CYP4F11: variants seen among roughly 807,000 people sequenced by gnomAD.
The protein encoded by CYP4F11 is cytochrome P450 family 4 subfamily F member 11.
CYP4F11 carries 79 observed loss-of-function variants against 62.2 expected under a neutral mutation model. That is an observed-to-expected ratio of 1.27 (90% CI 1.06 to 1.53). CYP4F11 has a LOEUF of 1.53. Ranked by LOEUF, CYP4F11 falls within the 40% of genes most tolerant of loss-of-function variation. The pLI is 0.00. For synonymous variants in CYP4F11, 290 were observed against 263.7 expected (o/e 1.10, Z -0.97); for missense variants, 777 against 680.5 (o/e 1.14, Z -1.58).
At chr19:15,927,066 T>C in intron 4 of CYP4F11, 146 bp downstream of exon 4, 2 of 933,956 alleles carry the variant, frequency 2.1e-6, no homozygotes, top group South Asian at 3.5e-5. Context: ...AAGTAGAGAT[T>C]GTTATTCCCA....
At chr19:15,922,739 G>T (rs1030816094) in intron 6 of CYP4F11, among the ~76,000 whole-genome samples, 1 of 152,208 alleles carries the variant, frequency 6.6e-6, no homozygotes, top group Non-Finnish European at 1.5e-5. Flanking sequence ...TATTTCAATG[G>T]CAATTTCACT....
rs1243756501 is a variant in CYP4F11 at position 15,913,884 on chromosome 19, T to C, written c.1423A>G (p.Met475Val). The C allele has an allele frequency of 6.2e-7, 1 of 1,613,824 alleles. No homozygotes were observed. Among genetic ancestry groups the C allele is most frequent in the Non-Finnish European group, 8.5e-7 (1 of 1,179,906 alleles). The change falls in exon 12 of 12, where the codon ATG becomes GTG. Residue 475 changes from methionine to valine, a missense_variant. By Grantham distance (21) the Met-to-Val change is conservative. Transcript: ENST00000402119. ...PRNCIGQAFA[M>V]AEMKVVLALT... ...GCCAGGACCACCTTCATCTCAGCCA[T>C]GGCGAACGCCTGCCCGATGCAGTTT...
At chr19:15,927,522 G>T (rs1486889208) in intron 2 of CYP4F11, 39 bp from the exon 3 acceptor site, 3 of 1,612,094 alleles carry the variant, frequency 1.9e-6, no homozygotes, top group Non-Finnish European at 2.5e-6. Flanking sequence ...ATGGAGAGGG[G>T]TGAGAGAAGG....
At chr19:15,914,567 G>T (rs1382646427) in intron 10 of CYP4F11, 35 bp downstream of exon 10, 3 of 1,611,554 alleles carry the variant, frequency 1.9e-6, no homozygotes, top group South Asian at 2.2e-5. Flanking sequence ...ACCTTGGAAT[G>T]GACTCCAAAA....
intron 4 of CYP4F11, among the ~76,000 whole-genome samples, chr19:15,926,849 C>CTCTTCTGGTTATTGA (rs774598340): frequency 1.3e-5 from 2 of 152,026 alleles, no homozygotes; most frequent in Non-Finnish European, 2.9e-5. Flanking sequence ...GAAGAACCAG[C>CTCTTCTGGTTATTGA]CAACTGTCTC....
At position 15,914,803 on chromosome 19, in the gene CYP4F11, G is replaced by A. The variant is rs774851894; in HGVS notation, c.1208C>T (p.Thr403Met). ...GCCGTCTGGGAGCACAAAGTCCTGC[G>A]TGCAACATCGGGAGATGACCGGGAC... ...PPVPVISRCC[T>M]QDFVLPDGRV... Residue 403 changes from threonine to methionine, a missense_variant, in exon 9 of 12, where the codon ACG becomes ATG. Physicochemically the swap from Thr to Met is moderately conservative, Grantham distance 81. Transcript: ENST00000402119. The A allele has an allele frequency of 1.3e-5, 21 of 1,614,034 alleles. No homozygotes were observed. The highest frequency in any genetic ancestry group is 3.3e-5 in the Admixed American group (2 of 59,998).
intron 8 of CYP4F11, among the ~76,000 whole-genome samples, chr19:15,916,595 C>A (rs1599370667): frequency 6.6e-6 from 1 of 151,980 alleles, no homozygotes; most frequent in African/African-American, 2.4e-5. Context: ...AATCAAATAA[C>A]CCCATCAAAA....
In CYP4F11 at chr19:15,913,520, C is replaced by A; in HGVS notation, c.*212G>T. 4 of 603,786 alleles carry A rather than the reference C, an allele frequency of 6.6e-6. No individual in the cohort carries two copies. The highest frequency in any genetic ancestry group is 5.9e-5 in the South Asian group (3 of 50,932). 37.4% of individuals were successfully genotyped at this position (603,786 alleles called of 1,614,324 possible). ...GTTTTTACTTGGGCTCTGGGAGAAC[C>A]CACTAAGGGCCTAGATGCCCTGTGC... On this transcript the variant is annotated 3_prime_UTR_variant, in exon 12 of 12. Coordinates refer to ENST00000402119, the MANE Select transcript of CYP4F11 (RefSeq NM_021187.4).
Position 15,924,782 on chromosome 19 carries a change from C to CT in CYP4F11, c.625dup (p.Ser209LysfsTer3). ...TCACTCCTGACAATTGCTTTCAAAG[C>CT]TGAAGACACATTTCTGCAGACTGTC... is the stretch of plus-strand genomic sequence containing the variant. On this transcript the variant is annotated frameshift_variant, in exon 5 of 12. Coordinates refer to ENST00000402119, the MANE Select transcript of CYP4F11 (RefSeq NM_021187.4). LOFTEE classifies it high-confidence loss of function. 1 of 1,612,422 alleles carries CT rather than the reference C, an allele frequency of 6.2e-7. No individual in the cohort carries two copies. Among genetic ancestry groups the CT allele is most frequent in the Middle Eastern group, 1.7e-4 (1 of 6,052 alleles).
At chr19:15,914,466 G>A (rs369257337) in intron 10 of CYP4F11, 79 bp from the exon 11 acceptor site, 31 of 1,555,140 alleles carry the variant, frequency 2.0e-5, no homozygotes, top group African/African-American at 4.1e-5. Context: ...CAAGACCCCC[G>A]GCCTTGGAGA....
intron 6 of CYP4F11, 25 bp from the exon 7 acceptor site, chr19:15,922,455 C>A: frequency 6.2e-7 from 1 of 1,611,904 alleles, no homozygotes; most frequent in Non-Finnish European, 8.5e-7. Flanking sequence ...AGACAATATC[C>A]CTGCCCCAAA....
In CYP4F11 at chr19:15,914,505, G is replaced by A. The variant is rs2089566352; in HGVS notation, c.1314+97C>T. ...ATTTTGGCAGATGTGTCTCCATTGA[G>A]GAGAGGTGATGTTGGATTTTCCTGG... On this transcript the variant is annotated intron_variant, in intron 10 of 11. Coordinates refer to ENST00000402119, the MANE Select transcript of CYP4F11 (RefSeq NM_021187.4). The A allele has an allele frequency of 2.6e-6, 4 of 1,551,850 alleles. No individual in the cohort carries two copies. In the South Asian group the frequency reaches 4.5e-5, roughly 18 times the overall value.
intron 8 of CYP4F11, among the ~76,000 whole-genome samples, chr19:15,916,897 T>A (rs951240963): frequency 2.6e-5 from 4 of 152,182 alleles, no homozygotes; most frequent in Admixed American, 2.6e-4. Flanking sequence ...AGATCTACTA[T>A]TCCATCCAAC....
intron 6 of CYP4F11, among the ~76,000 whole-genome samples, 163 bp downstream of exon 6, chr19:15,923,648 CA>C (rs1259588520): frequency 1.3e-5 from 2 of 152,166 alleles, no homozygotes; most frequent in African/African-American, 4.8e-5. Context: ...AGTCCCCTGC[CA>C]GCTGAATTCC....
intron 8 of CYP4F11, among the ~76,000 whole-genome samples, chr19:15,920,087 A>T (rs1054633781): frequency 1.3e-5 from 2 of 152,240 alleles, no homozygotes; most frequent in Non-Finnish European, 2.9e-5. Flanking sequence ...CTCACTGCTA[A>T]AATAATAAGT....
intron 4 of CYP4F11, among the ~76,000 whole-genome samples, chr19:15,925,610 C>A (rs77694642): frequency 1.3e-5 from 2 of 151,900 alleles, no homozygotes; most frequent in Non-Finnish European, 1.5e-5. Flanking sequence ...TGCAGCAAAC[C>A]ACCATGGCAC....
rs140220334 is a variant in CYP4F11 at position 15,927,210 on chromosome 19, A to T, written c.525+2T>A. 2.5e-6 allele frequency: 4 copies of T among 1,613,506 alleles called. No individual in the cohort carries two copies. The highest frequency in any genetic ancestry group is 1.6e-4 in the Middle Eastern group (1 of 6,082). On this transcript the variant is annotated splice_donor_variant, in intron 4 of 11. Transcript: ENST00000402119. LOFTEE classifies it high-confidence loss of function. The stretch of plus-strand genomic sequence containing the variant: ...CTGGGACCCAGAGTTCAAGGGACTC[A>T]CGTGCATGATGTTCACACTCTTGTT...
intron 1 of CYP4F11, among the ~76,000 whole-genome samples, chr19:15,930,725 C>G (rs2089707012): frequency 6.6e-6 from 1 of 152,180 alleles, no homozygotes; most frequent in Non-Finnish European, 1.5e-5. Context: ...ATGGAAAAGT[C>G]CGCATGGAAG....
At chr19:15,929,825 C>G (rs952808340) in intron 1 of CYP4F11, among the ~76,000 whole-genome samples, 1 of 152,094 alleles carries the variant, frequency 6.6e-6, no homozygotes, top group African/African-American at 2.4e-5. Flanking sequence ...GGGTGTCATC[C>G]AATCCTTTGA....
Sources: allele counts gnomAD v4.1 joint callset (sites outside exome capture counted in the v4.1 genomes callset), GRCh38; gene constraint gnomAD v4.1.1; transcripts MANE v1.5; gene names NCBI Gene and HGNC (gene_info 2026-07-23, HGNC 2026-07-21).